PLXNC1: variants seen among roughly 807,000 people sequenced by gnomAD.
PLXNC1 encodes plexin C1.
A neutral mutation model predicts 178.2 loss-of-function variants in PLXNC1; 75 were observed. The ratio of observed to expected loss-of-function variants is 0.42; its 90% CI spans 0.35 to 0.51. The LOEUF (loss-of-function observed/expected upper bound fraction) is 0.51, where lower values mean the gene tolerates loss of function less well. Among genes scored for constraint, PLXNC1 ranks in the 20% least tolerant of loss-of-function variants. The pLI is 0.02. For synonymous variants in PLXNC1, 790 were observed against 779.9 expected, an observed-to-expected ratio of 1.01 and a Z score of -0.22; for missense variants, 1,503 against 1,984.4, an observed-to-expected ratio of 0.76 and a Z score of 4.61.
chr12:94,168,208 C>G (rs1284452688), intron 1 of PLXNC1: 1 of 152,180 alleles, frequency 6.6e-6, no homozygotes, highest in Non-Finnish European at 1.5e-5. Flanking sequence ...GAACTGAGCT[C>G]TGGCAGATAA....
chr12:94,265,615 G>T (rs951873923), intron 21 of PLXNC1, among the ~76,000 whole-genome samples: 3 of 152,180 alleles, frequency 2.0e-5, no homozygotes, highest in Admixed American at 2.0e-4. Flanking sequence ...CAATCAAATT[G>T]AGGCCGTCTT....
chr12:94,177,975 A>G (rs1447384220), intron 2 of PLXNC1, among the ~76,000 whole-genome samples: 3 of 152,246 alleles, frequency 2.0e-5, no homozygotes, highest in African/African-American at 7.2e-5. Flanking sequence ...ATCACAGCTA[A>G]TAAAATTATC....
chr12:94,271,300 C>T (rs1256225546), intron 21 of PLXNC1, among the ~76,000 whole-genome samples: 1 of 152,200 alleles, frequency 6.6e-6, no homozygotes, highest in Non-Finnish European at 1.5e-5. Context: ...CAGCAACGTT[C>T]CTGCTTTTAT....
intron 21 of PLXNC1, chr12:94,276,869 G>A (rs1449934128): frequency 6.6e-6 from 1 of 152,196 alleles, no homozygotes; most frequent in Non-Finnish European, 1.5e-5. Flanking sequence ...CTGAGAGCAG[G>A]CAAGGGAGTG....
At chr12:94,200,010 G>T (rs1963061966) in intron 4 of PLXNC1, among the ~76,000 whole-genome samples, 2 of 152,150 alleles carry the variant, frequency 1.3e-5, no homozygotes, top group South Asian at 4.1e-4. Context: ...GGCCAGTATG[G>T]TCTCTATCTC....
chr12:94,217,281 C>G (rs1963672627), intron 5 of PLXNC1, among the ~76,000 whole-genome samples: 1 of 152,200 alleles, frequency 6.6e-6, no homozygotes, highest in African/African-American at 2.4e-5. Flanking sequence ...GGCCTCAATT[C>G]CCTTGCTGGG....
In PLXNC1 at chr12:94,149,975, A is replaced by G. The variant is rs913219779; in HGVS notation, c.1004A>G (p.Glu335Gly). The change falls in exon 1 of 31, where the codon GAG (glutamate) becomes GGG (glycine). Residue 335 changes from glutamate to glycine, a missense_variant. Glu to Gly is a moderately conservative substitution (Grantham distance 98). Around this residue, in one of 4 missense-constraint regions of PLXNC1, gnomAD observed 615 missense variants for 698.6 expected, o/e 0.88. Transcript: ENST00000258526. ...TTALCLFRMS[E>G]IQARAKRVSW... Reference sequence around the variant, plus strand: ...GCGCTCTGCCTCTTCAGAATGAGTGAGATCCAGGCGCGCGCCAAGAGGGTC... The same window carrying G: ...GCGCTCTGCCTCTTCAGAATGAGTGGGATCCAGGCGCGCGCCAAGAGGGTC... 1.3e-6 allele frequency: 2 copies of G among 1,594,992 alleles called. No homozygotes were observed. The highest frequency in any genetic ancestry group is 1.7e-6 in the Non-Finnish European group (2 of 1,172,014).
rs984328769 is a variant in PLXNC1 at position 94,260,351 on chromosome 12, C to T, written c.3252-291C>T. 1.3e-5 allele frequency among the ~76,000 whole-genome samples: 2 copies of T among 152,018 alleles called. No homozygotes were observed. The highest frequency in any genetic ancestry group is 2.9e-5 in the Non-Finnish European group (2 of 68,022). On this transcript the variant is annotated intron_variant, in intron 19 of 30. Transcript: ENST00000258526. This position sits in a 1 kb window ranked among gnomAD's most constrained non-coding sequence, Gnocchi z 4.4. ...GGGATTATAGGCGTGAACCACCATG[C>T]CCGGCCCATAAATTCTTAATAAAAA...
In PLXNC1 at chr12:94,259,352, C is replaced by T. The variant is rs1229377728; in HGVS notation, c.3103C>T (p.His1035Tyr). 2 of 1,594,694 alleles carry T rather than the reference C, an allele frequency of 1.3e-6. No individual in the cohort carries two copies. Residue 1035 changes from histidine to tyrosine, a missense_variant, in exon 18 of 31, where the codon CAC becomes TAC. By Grantham distance (83) the His-to-Tyr change is moderately conservative. Transcript: ENST00000258526. Reference protein sequence around the residue: ...TFFPESGGFTHIFTEDMHNRD... With the variant: ...TFFPESGGFTYIFTEDMHNRD... Reference sequence around the variant, plus strand: ...TTCCTCTCAGTCAGGTGGCTTCACCCACATCTTCACTGAAGATATGCATGT... The same window carrying T: ...TTCCTCTCAGTCAGGTGGCTTCACCTACATCTTCACTGAAGATATGCATGT...
chr12:94,287,224 G>A (rs1380551956), intron 23 of PLXNC1, among the ~76,000 whole-genome samples: 1 of 152,246 alleles, frequency 6.6e-6, no homozygotes, highest in Non-Finnish European at 1.5e-5. Flanking sequence ...CTTTACACAT[G>A]AAGCCAGAGG....
In PLXNC1 at chr12:94,240,470, T is replaced by G. The variant is rs369568382; in HGVS notation, c.2121-15T>G. On this transcript the variant is annotated splice_polypyrimidine_tract_variant and intron_variant, in intron 10 of 30. Transcript: ENST00000258526. ...GTCTGTGTCATGTGAGAGTTCTTTTTCTACTCTTTTCTAGGATACAGGTTA... is the reference window on the plus strand; with the variant it reads ...GTCTGTGTCATGTGAGAGTTCTTTTGCTACTCTTTTCTAGGATACAGGTTA... The G allele has an allele frequency of 6.2e-7, 1 of 1,604,462 alleles. No individual in the cohort carries two copies. The highest frequency in any genetic ancestry group is 1.3e-5 in the African/African-American group (1 of 74,652).
At chr12:94,264,999 T>G (rs1965159830) in intron 20 of PLXNC1, 80 bp from the exon 21 acceptor site, 2 of 1,415,284 alleles carry the variant, frequency 1.4e-6, no homozygotes, top group Non-Finnish European at 2.0e-6. Flanking sequence ...GCCTTACTGC[T>G]GTAAACAGAA....
At chr12:94,224,789 C>T (rs1179314019) in intron 7 of PLXNC1, among the ~76,000 whole-genome samples, 1 of 152,128 alleles carries the variant, frequency 6.6e-6, no homozygotes, top group Non-Finnish European at 1.5e-5. Context: ...TGCCTGTAGT[C>T]CCAGCTACTT....
intron 5 of PLXNC1, among the ~76,000 whole-genome samples, chr12:94,215,507 AAAG>A (rs1367935632): frequency 1.3e-5 from 2 of 152,066 alleles, no homozygotes; most frequent in Admixed American, 1.3e-4. Context: ...TGGAAAAAAA[AAAG>A]AAGTCAATTT....
intron 7 of PLXNC1, 99 bp from the exon 8 acceptor site, chr12:94,226,506 C>A: frequency 2.9e-6 from 2 of 697,950 alleles, no homozygotes; most frequent in South Asian, 1.8e-5. Flanking sequence ...TTTTTTTTGC[C>A]TTCTTTTAAA....
chr12:94,292,645 T>G (rs1316482991), intron 23 of PLXNC1, among the ~76,000 whole-genome samples: 1 of 152,230 alleles, frequency 6.6e-6, no homozygotes, highest in Non-Finnish European at 1.5e-5. Context: ...ACAGGACCCA[T>G]GTTTAAACAC....
At chr12:94,236,358 G>A (rs577224677) in intron 9 of PLXNC1, among the ~76,000 whole-genome samples, 3 of 152,230 alleles carry the variant, frequency 2.0e-5, no homozygotes, top group African/African-American at 2.4e-5. Flanking sequence ...ATGAGAAAAT[G>A]TCTGTTTGAG....
At chr12:94,209,002 G>T (rs191377131) in intron 4 of PLXNC1, among the ~76,000 whole-genome samples, 1 of 152,302 alleles carries the variant, frequency 6.6e-6, no homozygotes, top group African/African-American at 2.4e-5. Flanking sequence ...ATATAATTTG[G>T]TATCTGTCTA....
chr12:94,277,757 G>C (rs1966085219), intron 21 of PLXNC1: 8 of 355,910 alleles, frequency 2.2e-5, no homozygotes, highest in Middle Eastern at 3.8e-4. Context: ...GCCAACAATA[G>C]TAATTGTACA....
Sources: allele counts gnomAD v4.1 joint callset (sites outside exome capture counted in the v4.1 genomes callset), GRCh38; gene constraint gnomAD v4.1.1; regional missense constraint gnomAD v4.1.1; non-coding constraint Gnocchi (gnomAD v3.1); transcripts MANE v1.5; gene names NCBI Gene and HGNC (gene_info 2026-07-23, HGNC 2026-07-21).